Variants in SYNCRIP observed in about 807,000 individuals in gnomAD.
SYNCRIP encodes heterogeneous nuclear ribonucleoprotein Q.
A neutral mutation model predicts 68.9 loss-of-function variants in SYNCRIP; 9 were observed. The ratio of observed to expected loss-of-function variants is 0.13; its 90% confidence interval spans 0.08 to 0.23. The LOEUF is 0.23. SYNCRIP is among the 10% of genes least tolerant of loss of function. SYNCRIP has a pLI of 1.00. For synonymous variants in SYNCRIP, 258 were observed against 254.0 expected (o/e 1.02, Z -0.15); for missense variants, 414 against 770.6 (o/e 0.54, Z 5.48).
In SYNCRIP at chr6:85,614,462, C is replaced by T. The variant is rs189555318; in HGVS notation, c.*294G>A. The T allele has an allele frequency of 7.3e-6, 8 of 1,099,606 alleles. No individual in the cohort carries two copies. Among genetic ancestry groups the T allele is most frequent in the African/African-American group, 1.6e-5 (1 of 60,830 alleles). The allele number at this position is 1,099,606 out of a possible 1,614,324, so 68.1% of individuals were successfully genotyped here. A position where few individuals can be genotyped will look rare whatever the true frequency, so the allele number is the denominator to read the frequency against. On this transcript the variant is annotated 3_prime_UTR_variant, in exon 11 of 11. Coordinates refer to ENST00000369622, the MANE Select transcript of SYNCRIP (RefSeq NM_006372.5). ...CAAATCTAAACACTACTGGAAACAT[C>T]GTTGACACTACAGCCAAATGGACTT...
intron 10 of SYNCRIP, 50 bp downstream of exon 10, chr6:85,618,768 G>A: frequency 6.9e-7 from 1 of 1,454,020 alleles, no homozygotes; most frequent in Non-Finnish European, 9.4e-7. Context: ...TCCAATTAGT[G>A]TATAAATATT....
At chr6:85,612,125 T>C (rs1805300285), downstream of SYNCRIP, 2 of 152,126 alleles carry the variant, frequency 1.3e-5, no homozygotes, top group African/African-American at 4.8e-5. Flanking sequence ...CTTACAAGCC[T>C]CTGAAACTAA....
At chr6:85,619,011 T>A (rs1806089108) in intron 9 of SYNCRIP, 72 bp from the exon 10 acceptor site, 1 of 1,452,676 alleles carries the variant, frequency 6.9e-7, no homozygotes, top group Non-Finnish European at 9.5e-7. Context: ...AGTTGGAATA[T>A]CATTTATCAT....
At chr6:85,624,504 A>G (rs755339266) in intron 6 of SYNCRIP, among the ~76,000 whole-genome samples, 12 of 152,206 alleles carry the variant, frequency 7.9e-5, no homozygotes, top group Non-Finnish European at 1.2e-4. Flanking sequence ...CTATTTTTCC[A>G]TCTTCCCTTC....
upstream of SYNCRIP, chr6:85,643,605 G>A (rs906053190): frequency 2.0e-5 from 1 of 50,494 alleles, no homozygotes; most frequent in Admixed American, 1.9e-4. Flanking sequence ...TCCCCACCCC[G>A]CCCCACCCCA....
chr6:85,636,469 T>A (rs1295628553), intron 6 of SYNCRIP, among the ~76,000 whole-genome samples: 2 of 151,736 alleles, frequency 1.3e-5, no homozygotes, highest in African/African-American at 2.4e-5. Context: ...AAAAGAAAAA[T>A]TTCCTTTTTA....
chr6:85,633,127 G>A (rs1181806360), intron 6 of SYNCRIP, among the ~76,000 whole-genome samples: 1 of 151,678 alleles, frequency 6.6e-6, no homozygotes, highest in Non-Finnish European at 1.5e-5. Context: ...GTGGTGGTGG[G>A]TGCCTGTAGT....
intron 8 of SYNCRIP, among the ~76,000 whole-genome samples, chr6:85,621,501 T>G (rs1335519840): frequency 6.6e-6 from 1 of 151,458 alleles, no homozygotes; most frequent in African/African-American, 2.4e-5. Context: ...TAGTTCTAGC[T>G]ACTTGGGAGG....
At chr6:85,643,507 C>T (rs1456420375), upstream of SYNCRIP, among the ~76,000 whole-genome samples, 1 of 151,988 alleles carries the variant, frequency 6.6e-6, no homozygotes, top group Admixed American at 6.5e-5. Flanking sequence ...CCCTTCCCCT[C>T]CCGACACTCC....
At chr6:85,620,416 C>A (rs967643149) in intron 8 of SYNCRIP, among the ~76,000 whole-genome samples, 1 of 152,044 alleles carries the variant, frequency 6.6e-6, no homozygotes, top group Non-Finnish European at 1.5e-5. Context: ...GAGAAAGAAG[C>A]CAATGTGAAG....
chr6:85,620,359 T>G (rs185618470), intron 8 of SYNCRIP, among the ~76,000 whole-genome samples: 75 of 152,240 alleles, frequency 4.9e-4, no homozygotes, highest in African/African-American at 1.7e-3. Flanking sequence ...AGAAACTAGT[T>G]AAAAGCCACA....
chr6:85,624,200 C>T (rs1806777847), intron 6 of SYNCRIP, 88 bp from the exon 7 acceptor site: 2 of 1,329,118 alleles, frequency 1.5e-6, no homozygotes. Flanking sequence ...GCAAATCATC[C>T]TTTAAAAAGT....
rs78228919 is a variant in SYNCRIP, at chr6:85,631,783, C to G, written c.666+5184G>C. On this transcript the variant is annotated intron_variant, in intron 6 of 10. Transcript: ENST00000369622. ...CAATAGGGACCTCAGCTAAAGAAAC[C>G]TGGCATCAAACTAGGGCTGGGATGT... 2.9e-3 allele frequency among the ~76,000 whole-genome samples: 440 copies of G among 152,278 alleles called. 1 individual carries two copies. Among genetic ancestry groups the G allele is most frequent in the Non-Finnish European group, 3.6e-3 (244 of 68,024 alleles).
At chr6:85,638,476 C>A (rs868402278) in intron 4 of SYNCRIP, among the ~76,000 whole-genome samples, 3 of 145,466 alleles carry the variant, frequency 2.1e-5, no homozygotes, top group Non-Finnish European at 3.0e-5. Context: ...GTCTCAACCA[C>A]AAAGCACAAA....
At chr6:85,610,903 C>T (rs1236817486), downstream of SYNCRIP, 11 of 151,894 alleles carry the variant, frequency 7.2e-5, no homozygotes, top group South Asian at 4.1e-4. Flanking sequence ...TAAAAAAGCA[C>T]GGGGTAATAT....
At chr6:85,642,765 C>G (rs1282188321) in intron 1 of SYNCRIP, 32 bp downstream of exon 1, 1 of 152,836 alleles carries the variant, frequency 6.5e-6, no homozygotes, top group African/African-American at 2.4e-5. Context: ...CATGGAGCTC[C>G]CCTCCCACAC....
At chr6:85,620,528 G>T (rs1298168516) in intron 8 of SYNCRIP, among the ~76,000 whole-genome samples, 1 of 152,188 alleles carries the variant, frequency 6.6e-6, no homozygotes, top group African/African-American at 2.4e-5. Flanking sequence ...CTAAGCACAG[G>T]ACAGAGGATT....
At chr6:85,624,885 T>G (rs1474753178) in intron 6 of SYNCRIP, among the ~76,000 whole-genome samples, 2 of 152,154 alleles carry the variant, frequency 1.3e-5, no homozygotes, top group African/African-American at 4.8e-5. Flanking sequence ...ACCTCAAAAT[T>G]TGTTACTAAT....
intron 6 of SYNCRIP, among the ~76,000 whole-genome samples, chr6:85,634,315 A>G (rs1808183801): frequency 6.6e-6 from 1 of 152,242 alleles, no homozygotes; most frequent in Non-Finnish European, 1.5e-5. Flanking sequence ...TCTGGAAAAC[A>G]TCTATAAATA....
Sources: allele counts gnomAD v4.1 joint callset (sites outside exome capture counted in the v4.1 genomes callset), GRCh38; gene constraint gnomAD v4.1.1; transcripts MANE v1.5; gene names NCBI Gene and HGNC (gene_info 2026-07-23, HGNC 2026-07-21).